The following TBL1X variants were observed in gnomAD, a reference collection of about 807,000 sequenced individuals.
TBL1X encodes the protein transducin beta like 1 X-linked, also known as F-box-like/WD repeat-containing protein TBL1X.
TBL1X carries 10 observed loss-of-function variants against 50.7 expected under a neutral mutation model. The observed-to-expected ratio is 0.20, with a 90% confidence interval of 0.12 to 0.33. The LOEUF (loss-of-function observed/expected upper bound fraction) is 0.33, where lower values mean the gene tolerates loss of function less well. TBL1X is among the 10% of genes least tolerant of loss of function. TBL1X has a pLI of 1.00. For synonymous variants in TBL1X, 190 were observed against 214.7 expected (o/e 0.88, Z 1.01); for missense variants, 340 against 504.4 (o/e 0.67, Z 3.12).
chrX:9,663,308 T>C (rs1376361250), intron 5 of TBL1X, among the ~76,000 whole-genome samples: 1 of 111,940 alleles, frequency 8.9e-6, no homozygotes, highest in Admixed American at 9.5e-5. Context: ...TCTGGACATA[T>C]GGCCAGTGTC....
chrX:9,519,248 T>A (rs2082095838), intron 2 of TBL1X, among the ~76,000 whole-genome samples: 1 of 111,301 alleles, frequency 9.0e-6, no homozygotes. Flanking sequence ...TTTATTTAGT[T>A]TATTTTAATT....
At chrX:9,558,211 T>G (rs1203858214) in intron 2 of TBL1X, among the ~76,000 whole-genome samples, 1 of 112,552 alleles carries the variant, frequency 8.9e-6, no homozygotes, top group Middle Eastern at 4.2e-3. Context: ...CTGTGAAACT[T>G]TTTGACAATT....
chrX:9,561,438 T>C (rs777161541), intron 2 of TBL1X, among the ~76,000 whole-genome samples: 1 of 111,405 alleles, frequency 9.0e-6, no homozygotes, highest in African/African-American at 3.3e-5. Flanking sequence ...CAGGGGACTT[T>C]ACTGTGATGG....
chrX:9,498,930 C>T (rs1300133345), intron 1 of TBL1X, among the ~76,000 whole-genome samples: 4 of 111,758 alleles, frequency 3.6e-5, no homozygotes, highest in East Asian at 2.8e-4. Flanking sequence ...CCCAGGGAGA[C>T]GCCCCCCTTG....
intron 16 of TBL1X, among the ~76,000 whole-genome samples, chrX:9,714,434 C>T (rs1024392591): frequency 2.7e-5 from 3 of 111,163 alleles, no homozygotes; most frequent in African/African-American, 9.9e-5. Flanking sequence ...GTGATGGAAA[C>T]AGGGAGGAAG....
chrX:9,659,954 G>A (rs1293071810), intron 5 of TBL1X, among the ~76,000 whole-genome samples: 3 of 112,483 alleles, frequency 2.7e-5, no homozygotes, highest in Non-Finnish European at 5.6e-5. Flanking sequence ...AGCCCAGGTC[G>A]GCTGAATGAC....
At chrX:9,566,445 G>A (rs1433166754) in intron 2 of TBL1X, among the ~76,000 whole-genome samples, 2 of 111,839 alleles carry the variant, frequency 1.8e-5, no homozygotes, top group Admixed American at 1.9e-4. Flanking sequence ...GAACCCTGGA[G>A]CAAATGAAGC....
chrX:9,637,365 C>G (rs1438952361), intron 2 of TBL1X: 1 of 112,034 alleles, frequency 8.9e-6, no homozygotes, highest in African/African-American at 3.2e-5. Flanking sequence ...AGAATTAAGG[C>G]AGACATGATG....
intron 2 of TBL1X, among the ~76,000 whole-genome samples, chrX:9,547,894 C>T (rs2082252796): frequency 1.0e-5 from 1 of 97,820 alleles, no homozygotes; most frequent in African/African-American, 3.8e-5. Context: ...AGGATGCTTC[C>T]TCACCTTCCT....
chrX:9,491,338 A>ATATT lies in TBL1X; in HGVS notation c.-200-10441_-200-10440insATTT, dbSNP rs1328551249. Reference sequence around the variant, plus strand: ...TATATATATATATATATATATATATATTTTTTTTTTTTTTTTCTTTGAGAC... The same window carrying ATATT: ...TATATATATATATATATATATATATATATTTTTTTTTTTTTTTTTTCTTTGAGAC... On this transcript the variant is annotated intron_variant, in intron 1 of 17. Coordinates refer to ENST00000645353, the MANE Select transcript of TBL1X (RefSeq NM_005647.4). Among the ~76,000 whole-genome samples, 269 of 31,177 alleles carry ATATT rather than the reference A, an allele frequency of 8.6e-3. 2 individuals are homozygous for ATATT. The highest frequency in any genetic ancestry group is 0.017 in the Admixed American group (28 of 1,643). The allele number at this position is 31,177 out of a possible 115,157, so 27.1% of individuals were successfully genotyped here. A position where few individuals can be genotyped will look rare whatever the true frequency, so the allele number is the denominator to read the frequency against.
intron 1 of TBL1X, among the ~76,000 whole-genome samples, chrX:9,490,386 C>T (rs910835323): frequency 2.7e-5 from 3 of 111,696 alleles, no homozygotes; most frequent in African/African-American, 9.8e-5. Context: ...AACACTTTTG[C>T]GTTTCACAGC....
At chrX:9,492,865 GT>G (rs2081952062) in intron 1 of TBL1X, among the ~76,000 whole-genome samples, 1 of 47,942 alleles carries the variant, frequency 2.1e-5, no homozygotes, top group African/African-American at 9.3e-5. Context: ...GTGTGTGTGT[GT>G]GTGTGTGTGT....
intron 1 of TBL1X, among the ~76,000 whole-genome samples, chrX:9,497,471 A>G (rs1167516858): frequency 2.8e-5 from 3 of 108,863 alleles, no homozygotes; most frequent in African/African-American, 1.0e-4. Context: ...AAGAGCAATT[A>G]GCAAAAGGAA....
intron 7 of TBL1X, among the ~76,000 whole-genome samples, chrX:9,688,506 G>A (rs1052416091): frequency 5.3e-5 from 6 of 112,217 alleles, no homozygotes; most frequent in African/African-American, 1.3e-4. Flanking sequence ...ATCGTGCTGC[G>A]CCTGCTAATC....
At chrX:9,654,386 A>G (rs1023756578) in intron 5 of TBL1X, 64 bp downstream of exon 5, 4 of 1,099,536 alleles carry the variant, frequency 3.6e-6, no homozygotes, top group Non-Finnish European at 5.0e-6. Context: ...CAGAAGGATC[A>G]ACGCTTAATT....
intron 3 of TBL1X, among the ~76,000 whole-genome samples, chrX:9,642,560 C>G (rs1158500130): frequency 1.8e-5 from 2 of 111,323 alleles, no homozygotes; most frequent in African/African-American, 3.3e-5. Context: ...GAGGAATGTT[C>G]ACATTCAGGG....
chrX:9,588,689 C>T (rs765679982), intron 2 of TBL1X, among the ~76,000 whole-genome samples: 10 of 109,215 alleles, frequency 9.2e-5, no homozygotes, highest in African/African-American at 3.3e-4. Context: ...CTGCAACCAC[C>T]GCTTTCCAGG....
intron 2 of TBL1X, among the ~76,000 whole-genome samples, chrX:9,562,615 A>G (rs1236225800): frequency 4.5e-5 from 5 of 112,240 alleles, no homozygotes; most frequent in Non-Finnish European, 9.4e-5. Flanking sequence ...TATAGGAACT[A>G]ATGGATATTC....
At chrX:9,680,553 G>A (rs138481327) in intron 5 of TBL1X, among the ~76,000 whole-genome samples, 86 of 111,438 alleles carry the variant, frequency 7.7e-4, no homozygotes, top group Admixed American at 1.3e-3. Flanking sequence ...CATCCTGCCT[G>A]CTGCTGACAT....
Sources: gnomAD v4.1 joint callset for allele counts (sites outside exome capture counted in the v4.1 genomes callset) on GRCh38, gnomAD v4.1.1 for gene constraint, MANE v1.5 for transcripts, NCBI Gene and HGNC (gene_info 2026-07-23, HGNC 2026-07-21) for gene names.